HIBCH: variants seen among roughly 807,000 people sequenced by gnomAD.
HIBCH encodes the protein 3-hydroxyisobutyryl-CoA hydrolase, also known as 3-hydroxyisobutyryl-CoA hydrolase, mitochondrial.
A neutral mutation model predicts 58.2 loss-of-function variants in HIBCH; 50 were observed. The ratio of observed to expected loss-of-function variants is 0.86; its 90% CI spans 0.68 to 1.09. The LOEUF (loss-of-function observed/expected upper bound fraction) is 1.09, where lower values mean the gene tolerates loss of function less well. Ranked by LOEUF, HIBCH falls within the 50% of genes least tolerant of loss-of-function variation. HIBCH has a pLI of 0.00. For synonymous variants in HIBCH, 151 were observed against 146.9 expected, an observed-to-expected ratio of 1.03 and a Z score of -0.20; for missense variants, 450 against 449.7, an observed-to-expected ratio of 1.00 and a Z score of -0.01.
At position 190,252,303 on chromosome 2, in the gene HIBCH, C is replaced by G. The variant is rs1343743652; in HGVS notation, c.522G>C (p.Leu174=). Residue 174 remains leucine (L), a synonymous_variant, in exon 8 of 14, where the codon CTG becomes CTC. Transcript: ENST00000359678. Reference sequence around the variant, plus strand: ...AATAACCTCCACCCACATCAGGGAACAGTCCTGTAATTAAATGTAACAAAA... The same window carrying G: ...AATAACCTCCACCCACATCAGGGAAGAGTCCTGTAATTAAATGTAACAAAA... ...LFAMPETAIG[L]FPDVGGGYFL... The G allele has an allele frequency of 1.9e-6, 3 of 1,612,394 alleles. No individual in the cohort carries two copies. The highest frequency in any genetic ancestry group is 2.7e-5 in the African/African-American group (2 of 74,868).
chr2:190,222,096 T>G (rs112458364), intron 11 of HIBCH, among the ~76,000 whole-genome samples: 14 of 152,158 alleles, frequency 9.2e-5, no homozygotes, highest in Non-Finnish European at 1.6e-4. Context: ...GCACTGACTG[T>G]AACACTCTTT....
At chr2:190,241,848 G>C (rs1401092279) in intron 11 of HIBCH, among the ~76,000 whole-genome samples, 1 of 152,166 alleles carries the variant, frequency 6.6e-6, no homozygotes, top group Non-Finnish European at 1.5e-5. Context: ...AGTCTGATGG[G>C]CTTCCCTTTG....
At chr2:190,305,655 T>C (rs1688384378) in intron 2 of HIBCH, among the ~76,000 whole-genome samples, 1 of 152,144 alleles carries the variant, frequency 6.6e-6, no homozygotes, top group Non-Finnish European at 1.5e-5. Context: ...ATAATAGCAA[T>C]GTAGGATCAC....
At chr2:190,230,333 A>C (rs911172635) in intron 11 of HIBCH, among the ~76,000 whole-genome samples, 1 of 152,210 alleles carries the variant, frequency 6.6e-6, no homozygotes, top group Admixed American at 6.5e-5. Flanking sequence ...CATTACAGGT[A>C]CCACAGACAT....
intron 1 of HIBCH, among the ~76,000 whole-genome samples, chr2:190,316,425 A>G (rs1251132734): frequency 1.3e-5 from 2 of 152,200 alleles, no homozygotes; most frequent in African/African-American, 4.8e-5. Context: ...TGCCCAGCCG[A>G]GCAGTTTTAA....
chr2:190,204,901 A>ATC lies in HIBCH; in HGVS notation c.*215_*216insGA, dbSNP rs1356472456. On this transcript the variant is annotated 3_prime_UTR_variant, in exon 14 of 14. Transcript: ENST00000359678. ...GCAGCCACAGATAATATATAAACAG[A>ATC]TGAGTATAGCTAGTTCCAATAAAGC... 15 of 539,406 alleles carry ATC rather than the reference A, an allele frequency of 2.8e-5. No homozygotes were observed. The highest frequency in any genetic ancestry group is 4.0e-5 in the Non-Finnish European group (12 of 300,328). 33.4% of individuals were successfully genotyped at this position (539,406 alleles called of 1,614,324 possible). A position where few individuals can be genotyped will look rare whatever the true frequency, so the allele number is the denominator to read the frequency against.
chr2:190,316,996 A>G (rs1203873308), intron 1 of HIBCH, among the ~76,000 whole-genome samples: 1 of 152,218 alleles, frequency 6.6e-6, no homozygotes, highest in African/African-American at 2.4e-5. Flanking sequence ...AGTTCACTGT[A>G]AACTTGAACT....
chr2:190,262,262 A>G (rs1687111106), intron 6 of HIBCH, among the ~76,000 whole-genome samples: 1 of 152,188 alleles, frequency 6.6e-6, no homozygotes, highest in Non-Finnish European at 1.5e-5. Context: ...AAAGAAGCAG[A>G]GATAGAAAAA....
In HIBCH at chr2:190,267,667, C is replaced by T. The variant is rs978884724; in HGVS notation, c.439-6433G>A. 2.0e-5 allele frequency among the ~76,000 whole-genome samples: 3 copies of T among 152,128 alleles called. No individual in the cohort carries two copies. The South Asian group carries it at 6.2e-4, about 32-fold the overall frequency. ...TTAGTTATAAACCGAGGCTTTTAGA[C>T]AAGTATTTATAAAGTATCTTTCTGC... is the stretch of plus-strand genomic sequence containing the variant. On this transcript the variant is annotated intron_variant, in intron 6 of 13. Transcript: ENST00000359678.
chr2:190,263,596 T>G (rs1404461745), intron 6 of HIBCH, among the ~76,000 whole-genome samples: 1 of 152,180 alleles, frequency 6.6e-6, no homozygotes, highest in Non-Finnish European at 1.5e-5. Flanking sequence ...CACTAATAAA[T>G]TATTTCCCCA....
chr2:190,298,320 G>A (rs912034216), intron 2 of HIBCH, among the ~76,000 whole-genome samples: 3 of 152,148 alleles, frequency 2.0e-5, no homozygotes, highest in African/African-American at 7.2e-5. Flanking sequence ...AGATCCTTGA[G>A]GAATCGCCAC....
chr2:190,287,656 G>T lies in HIBCH; in HGVS notation c.386-18C>A, dbSNP rs745405684. 7 of 1,586,138 alleles carry T rather than the reference G, an allele frequency of 4.4e-6. No individual in the cohort carries two copies. Among genetic ancestry groups the T allele is most frequent in the Non-Finnish European group, 5.2e-6 (6 of 1,155,382 alleles). On this transcript the variant is annotated intron_variant, in intron 5 of 13. Transcript: ENST00000359678. ...GCAAGAACCTGAAAGAAACAGAGCT[G>T]TAATTTTAGTTACAGTGTTTAAAAT...
At chr2:190,287,058 G>GTGTGTGTGTGTA (rs10662510) in intron 6 of HIBCH, among the ~76,000 whole-genome samples, 17,634 of 147,228 alleles carry the variant, frequency 0.12, 1,152 homozygotes, top group Middle Eastern at 0.18. Flanking sequence ...GTGTGTGTGT[G>GTGTGTGTGTGTA]TATACATATA....
Position 190,271,455 on chromosome 2 carries a change from A to C in HIBCH, c.439-10221T>G, listed in dbSNP as rs188271389. Among the ~76,000 whole-genome samples the C allele has an allele frequency of 2.2e-3, 327 of 151,574 alleles. 3 individuals are homozygous for C. Among genetic ancestry groups the C allele is most frequent in the African/African-American group, 6.9e-3 (284 of 41,304 alleles). On this transcript the variant is annotated intron_variant, in intron 6 of 13. Transcript: ENST00000359678. Reference sequence around the variant, plus strand: ...CAGGTGCGCACCACTGGGCCCAGCTAATTTTTGTTATTTTCAGTAGAGACG... The same window carrying C: ...CAGGTGCGCACCACTGGGCCCAGCTCATTTTTGTTATTTTCAGTAGAGACG...
At position 190,306,123 on chromosome 2, in the gene HIBCH, AACAC is replaced by A. The variant is rs1489611424; in HGVS notation, c.78+4627_78+4630del. ...TTTCTATGTTTCTATGGTAAAACAA[AACAC>A]ACACACAGACAACCACCGAAAGTAT... On this transcript the variant is annotated intron_variant, in intron 2 of 13. Coordinates refer to ENST00000359678, the MANE Select transcript of HIBCH (RefSeq NM_014362.4). The surrounding 1 kb of genome is among the most constrained non-coding windows in gnomAD (Gnocchi z 4.6). 1.3e-5 allele frequency among the ~76,000 whole-genome samples: 2 copies of A among 152,114 alleles called. No individual in the cohort carries two copies. Among genetic ancestry groups the A allele is most frequent in the African/African-American group, 2.4e-5 (1 of 41,434 alleles).
chr2:190,286,086 C>T (rs1460395442), intron 6 of HIBCH, among the ~76,000 whole-genome samples: 1 of 152,098 alleles, frequency 6.6e-6, no homozygotes, highest in Non-Finnish European at 1.5e-5. Context: ...AAGCGATTTA[C>T]CCACCTCAGC....
At position 190,281,578 on chromosome 2, in the gene HIBCH, T is replaced by A. The variant is rs1172531412; in HGVS notation, c.438+6008A>T. 6.6e-6 allele frequency among the ~76,000 whole-genome samples: 1 copy of A among 152,212 alleles called. No individual in the cohort carries two copies. The highest frequency in any genetic ancestry group is 1.5e-5 in the Non-Finnish European group (1 of 68,054). ...CCCATTGTCTTGATATTCCCTTCCA[T>A]TAAGTATTACTCTCTTTAGCAAAAA... is the stretch of plus-strand genomic sequence containing the variant. On this transcript the variant is annotated intron_variant, in intron 6 of 13. Transcript: ENST00000359678. The surrounding 1 kb of genome is among the most constrained non-coding windows in gnomAD (Gnocchi z 5.4).
intron 11 of HIBCH, among the ~76,000 whole-genome samples, chr2:190,237,658 T>C (rs1686317468): frequency 6.6e-6 from 1 of 152,170 alleles, no homozygotes; most frequent in Non-Finnish European, 1.5e-5. Context: ...AAGTTCTAGG[T>C]GCCCCACATT....
Position 190,290,438 on chromosome 2 carries a change from A to G in HIBCH, c.352T>C (p.Phe118Leu). 1 of 1,612,390 alleles carries G rather than the reference A, an allele frequency of 6.2e-7. No individual in the cohort carries two copies. The highest frequency in any genetic ancestry group is 8.5e-7 in the Non-Finnish European group (1 of 1,178,730). Residue 118 changes from phenylalanine to leucine, a missense_variant, in exon 5 of 14, where the codon TTC becomes CTC. By Grantham distance (22) the Phe-to-Leu change is conservative. Transcript: ENST00000359678. ...KAKQKIAPVFFREEYMLNNAV... is the reference protein window; with the variant it reads ...KAKQKIAPVFLREEYMLNNAV... The stretch of plus-strand genomic sequence containing the variant: ...TTATTCAGCATATATTCTTCTCTGA[A>G]GAAAACTGGAGCTATCTTCTGTTTT...
Sources: gnomAD v4.1 joint callset for allele counts (sites outside exome capture counted in the v4.1 genomes callset) on GRCh38, gnomAD v4.1.1 for gene constraint, Gnocchi (gnomAD v3.1) non-coding constraint, MANE v1.5 for transcripts, NCBI Gene and HGNC (gene_info 2026-07-23, HGNC 2026-07-21) for gene names.